The following NUMA1 variants were observed in gnomAD, a reference collection of about 807,000 sequenced individuals.
The protein encoded by NUMA1 is nuclear mitotic apparatus protein 1, also known as SP-H antigen.
Under a neutral mutation model 237.1 loss-of-function variants are expected in NUMA1, and 62 were observed. That is an observed-to-expected ratio of 0.26 (90% CI 0.21 to 0.32). The LOEUF is 0.32. Among genes scored for constraint, NUMA1 ranks in the 10% least tolerant of loss-of-function variants. The pLI is 1.00. For synonymous variants in NUMA1, 1,028 were observed against 1,066.1 expected, an observed-to-expected ratio of 0.96 and a Z score of 0.70; for missense variants, 2,533 against 2,666.5, an observed-to-expected ratio of 0.95 and a Z score of 1.10.
chr11:72,032,152 C>A (rs1384887198), intron 3 of NUMA1, among the ~76,000 whole-genome samples: 1 of 151,866 alleles, frequency 6.6e-6, no homozygotes, highest in Non-Finnish European at 1.5e-5. Flanking sequence ...CAGAGCAAGA[C>A]CCTATCTCAA....
chr11:72,010,268 A>G (rs1195566843), intron 17 of NUMA1, among the ~76,000 whole-genome samples: 1 of 152,222 alleles, frequency 6.6e-6, no homozygotes, highest in Non-Finnish European at 1.5e-5. Flanking sequence ...TAGAACTGCA[A>G]AAAGCAAGTA....
At chr11:72,032,832 A>G (rs1940504363) in intron 3 of NUMA1, among the ~76,000 whole-genome samples, 1 of 152,254 alleles carries the variant, frequency 6.6e-6, no homozygotes, top group Non-Finnish European at 1.5e-5. Context: ...GTTTCAAGCT[A>G]TAATTTAAGT....
chr11:72,010,782 C>T lies in NUMA1; in HGVS notation c.4719+4G>A, dbSNP rs745410581. 3.1e-6 allele frequency: 5 copies of T among 1,613,142 alleles called. No individual in the cohort carries two copies. In the East Asian group the frequency reaches 1.1e-4, roughly 36 times the overall value. On this transcript the variant is annotated splice_donor_region_variant and intron_variant, in intron 17 of 26. Transcript: ENST00000393695. ...GGCCAGACCCATTCCCCCAGCTGCC[C>T]CACCTTCAGCTTCTGCTGCTGCACC...
Position 72,018,874 on chromosome 11 carries a change from C to T in NUMA1, c.691G>A (p.Asp231Asn). 6.2e-7 allele frequency: 1 copy of T among 1,613,766 alleles called. No individual in the cohort carries two copies. The highest frequency in any genetic ancestry group is 8.5e-7 in the Non-Finnish European group (1 of 1,180,012). Reference protein sequence around the residue: ...KQLADERSNRDELELELAENR... With the variant: ...KQLADERSNRNELELELAENR... ...TCAGCTAGCTCCAGCTCCAGCTCAT[C>T]CCTATTACTTCTCTCATCAGCAAGC... The change falls in exon 10 of 27, where the codon GAT becomes AAT. Residue 231 changes from aspartate (D) to asparagine (N), a missense_variant. By Grantham distance (23) the Asp-to-Asn change is conservative. This residue lies in a region of NUMA1 where 1,414 missense variants were observed against 1,508.1 expected (regional missense o/e 0.94). Coordinates refer to ENST00000393695, the MANE Select transcript of NUMA1 (RefSeq NM_006185.4).
At chr11:72,005,422 T>A (rs1955620771) in intron 22 of NUMA1, 53 bp from the exon 23 acceptor site, 4 of 1,571,798 alleles carry the variant, frequency 2.5e-6, no homozygotes, top group Non-Finnish European at 3.4e-6. Context: ...GCAGGTCACC[T>A]CCTGGCCCTG....
At chr11:72,058,851 G>A (rs1342613552) in intron 2 of NUMA1, among the ~76,000 whole-genome samples, 1 of 152,194 alleles carries the variant, frequency 6.6e-6, no homozygotes, top group Non-Finnish European at 1.5e-5. Flanking sequence ...GGTCTCAGCA[G>A]CTGCTTCCAA....
Position 72,009,264 on chromosome 11 carries a change from T to C in NUMA1, c.4839+4A>G. On this transcript the variant is annotated splice_donor_region_variant and intron_variant, in intron 18 of 26. Coordinates refer to ENST00000393695, the MANE Select transcript of NUMA1 (RefSeq NM_006185.4). ...GTGGCATGGGCTGGGGCTGGGCTCC[T>C]TACCTGCAGCTTATAGTGCTCAGCT... 6.2e-7 allele frequency: 1 copy of C among 1,612,110 alleles called. No individual in the cohort carries two copies. Among genetic ancestry groups the C allele is most frequent in the Non-Finnish European group, 8.5e-7 (1 of 1,179,596 alleles).
intron 4 of NUMA1, among the ~76,000 whole-genome samples, chr11:72,025,346 A>T (rs115704833): frequency 2.2e-3 from 330 of 152,030 alleles, no homozygotes; most frequent in African/African-American, 5.9e-3. Context: ...CAAGCGACAG[A>T]GATTACAGTG....
intron 4 of NUMA1, among the ~76,000 whole-genome samples, chr11:72,028,472 A>C (rs1939868121): frequency 1.3e-5 from 2 of 151,342 alleles, no homozygotes; most frequent in African/African-American, 4.8e-5. Flanking sequence ...AAAAAAAAAA[A>C]AAAAAAGATG....
chr11:72,014,019 T>C lies in NUMA1; in HGVS notation c.3484A>G (p.Ser1162Gly), dbSNP rs1565208681. 5.0e-6 allele frequency: 8 copies of C among 1,611,840 alleles called. No homozygotes were observed. The highest frequency in any genetic ancestry group is 5.1e-6 in the Non-Finnish European group (6 of 1,179,974). The part of the protein sequence containing the change: ...AERASRAERD[S>G]ALETLQGQLE... ...TGGCCCTGCAGAGTCTCCAGAGCACTGTCCCGCTCAGCCCGGGAGGCCCGC... is the reference window on the plus strand; with the variant it reads ...TGGCCCTGCAGAGTCTCCAGAGCACCGTCCCGCTCAGCCCGGGAGGCCCGC... Residue 1162 changes from serine to glycine, a missense_variant, in exon 15 of 27, where the codon AGT becomes GGT. Physicochemically the swap from Ser to Gly is moderately conservative, Grantham distance 56. This residue lies in a region of NUMA1 where 1,414 missense variants were observed against 1,508.1 expected (regional missense o/e 0.94). Coordinates refer to ENST00000393695, the MANE Select transcript of NUMA1 (RefSeq NM_006185.4). The surrounding 1 kb of genome is among the most constrained non-coding windows in gnomAD (Gnocchi z 4.6).
intron 16 of NUMA1, 160 bp downstream of exon 16, chr11:72,012,241 C>T: frequency 1.4e-6 from 1 of 694,698 alleles, no homozygotes; most frequent in Non-Finnish European, 2.5e-6. Flanking sequence ...CAGCACACCA[C>T]ACTCCTGGGC....
chr11:72,012,480 T>C (rs375081816), intron 15 of NUMA1, 38 bp from the exon 16 acceptor site: 8 of 1,602,486 alleles, frequency 5.0e-6, no homozygotes, highest in African/African-American at 1.3e-5. Context: ...CAGAGTGAGA[T>C]GAGGCCAAAG....
At chr11:72,061,499 T>C (rs2136168523) in intron 2 of NUMA1, among the ~76,000 whole-genome samples, 1 of 145,980 alleles carries the variant, frequency 6.9e-6, no homozygotes, top group African/African-American at 2.5e-5. Context: ...TTTTTTTTTT[T>C]TTTTTTTTTG....
chr11:72,073,063 A>AAAAAAAAAAAAAAAAC (rs1943536462), intron 1 of NUMA1, among the ~76,000 whole-genome samples: 1 of 148,576 alleles, frequency 6.7e-6, no homozygotes, highest in African/African-American at 2.5e-5. Flanking sequence ...AAAAAAAAAA[A>AAAAAAAAAAAAAAAAC]AAAAAGCTGC....
intron 2 of NUMA1, among the ~76,000 whole-genome samples, chr11:72,045,632 C>T (rs1340438425): frequency 6.6e-6 from 1 of 152,060 alleles, no homozygotes; most frequent in Non-Finnish European, 1.5e-5. Flanking sequence ...GTGCATGCCA[C>T]CACGCCTGAC....
At position 72,014,188 on chromosome 11, in the gene NUMA1, T is replaced by C. The variant is rs1338166484; in HGVS notation, c.3315A>G (p.Ser1105=). ...AKKEKEHASG[S]GAQSEAAGRT... ...TGCCAGCAGCCTCAGATTGGGCTCC[T>C]GAGCCAGATGCGTGCTCCTTTTCTT... Residue 1105 remains serine (S), a synonymous_variant, in exon 15 of 27, where the codon TCA becomes TCG. Transcript: ENST00000393695. This position sits in a 1 kb window ranked among gnomAD's most constrained non-coding sequence, Gnocchi z 4.6. The C allele has an allele frequency of 1.9e-6, 3 of 1,613,864 alleles. No individual in the cohort carries two copies. In the African/African-American group the frequency reaches 4.0e-5, roughly 22 times the overall value.
intron 3 of NUMA1, 35 bp from the exon 4 acceptor site, chr11:72,029,325 T>C (rs368135410): frequency 1.3e-5 from 17 of 1,334,342 alleles, no homozygotes; most frequent in South Asian, 4.8e-5. Flanking sequence ...GTGAGACCGT[T>C]AGAAGCAACA....
At chr11:72,057,348 C>T (rs965068576) in intron 2 of NUMA1, among the ~76,000 whole-genome samples, 1 of 152,174 alleles carries the variant, frequency 6.6e-6, no homozygotes, top group Non-Finnish European at 1.5e-5. Context: ...CCTTTAAATC[C>T]AAAAGAAGAT....
chr11:72,029,473 G>A (rs1940014681), intron 3 of NUMA1, among the ~76,000 whole-genome samples, 183 bp from the exon 4 acceptor site: 1 of 152,208 alleles, frequency 6.6e-6, no homozygotes, highest in Non-Finnish European at 1.5e-5. Flanking sequence ...ACAGCCACCT[G>A]AAATGCAACC....
Sources: allele counts gnomAD v4.1 joint callset (sites outside exome capture counted in the v4.1 genomes callset), GRCh38; gene constraint gnomAD v4.1.1; regional missense constraint gnomAD v4.1.1; non-coding constraint Gnocchi (gnomAD v3.1); transcripts MANE v1.5; gene names NCBI Gene and HGNC (gene_info 2026-07-23, HGNC 2026-07-21).